The following SCN3A variants were observed in gnomAD, a reference collection of about 807,000 sequenced individuals.
SCN3A encodes the protein sodium channel protein type 3 subunit alpha.
A neutral mutation model predicts 187.6 loss-of-function variants in SCN3A; 60 were observed. That is an observed-to-expected ratio of 0.32 (90% CI 0.26 to 0.40). The LOEUF is 0.40. Ranked by LOEUF, SCN3A falls within the 10% of genes least tolerant of loss-of-function variation. The probability of loss-of-function intolerance (pLI) is 1.00; values close to 1 mark genes in which losing one functional copy is unlikely to be tolerated. For synonymous variants in SCN3A, 788 were observed against 829.2 expected, an observed-to-expected ratio of 0.95 and a Z score of 0.85; for missense variants, 1,601 against 2,428.2, an observed-to-expected ratio of 0.66 and a Z score of 7.16.
intron 15 of SCN3A, among the ~76,000 whole-genome samples, chr2:165,133,076 A>C: frequency 6.6e-6 from 1 of 152,198 alleles, no homozygotes; most frequent in Non-Finnish European, 1.5e-5. Context: ...TCAAAACCAC[A>C]ATGAGATACC....
chr2:165,200,370 GA>G (rs1574366618), intron 1 of SCN3A, among the ~76,000 whole-genome samples: 1 of 151,696 alleles, frequency 6.6e-6, no homozygotes, highest in South Asian at 2.1e-4. Flanking sequence ...ATGAAAATCA[GA>G]AAAAAGTAAT....
intron 1 of SCN3A, among the ~76,000 whole-genome samples, 186 bp downstream of exon 1, chr2:165,203,637 C>T (rs1457840657): frequency 6.6e-6 from 1 of 152,124 alleles, no homozygotes; most frequent in South Asian, 2.1e-4. Context: ...CAGACAGGCT[C>T]TATTTTCTTT....
intron 18 of SCN3A, among the ~76,000 whole-genome samples, chr2:165,122,239 C>CTTTTTTTTTTTTT (rs1286913407): frequency 7.8e-6 from 1 of 128,918 alleles, no homozygotes; most frequent in East Asian, 2.2e-4. Context: ...TCTTTTTTTT[C>CTTTTTTTTTTTTT]TTTTTTTTTT....
intron 18 of SCN3A, among the ~76,000 whole-genome samples, chr2:165,117,848 A>C (rs1467016500): frequency 2.0e-5 from 3 of 152,132 alleles, no homozygotes. Flanking sequence ...CCATTTGAAA[A>C]CTTTAGAAAA....
At chr2:165,142,151 G>C (rs1332063273) in intron 12 of SCN3A, among the ~76,000 whole-genome samples, 1 of 152,088 alleles carries the variant, frequency 6.6e-6, no homozygotes, top group East Asian at 1.9e-4. Flanking sequence ...TTCACACCCA[G>C]GGTAATATAC....
At chr2:165,122,307 G>T (rs1472994820) in intron 18 of SCN3A, among the ~76,000 whole-genome samples, 2 of 135,862 alleles carry the variant, frequency 1.5e-5, no homozygotes, top group Admixed American at 8.3e-5. Flanking sequence ...TGGAGCACAT[G>T]AATTGGATAG....
intron 21 of SCN3A, among the ~76,000 whole-genome samples, chr2:165,105,507 A>C (rs1320998944): frequency 6.6e-6 from 1 of 152,168 alleles, no homozygotes; most frequent in Non-Finnish European, 1.5e-5. Context: ...GTTCCTAGAA[A>C]AGGGCTCAGG....
At chr2:165,103,422 G>C (rs1037548122) in intron 21 of SCN3A, among the ~76,000 whole-genome samples, 1 of 152,114 alleles carries the variant, frequency 6.6e-6, no homozygotes, top group Non-Finnish European at 1.5e-5. Flanking sequence ...TCAATACATA[G>C]TGTTTTAATA....
intron 11 of SCN3A, among the ~76,000 whole-genome samples, chr2:165,149,801 T>C (rs559571717): frequency 6.6e-6 from 1 of 152,356 alleles, no homozygotes; most frequent in Non-Finnish European, 1.5e-5. Context: ...GAAATTTCAC[T>C]TAATATTTAC....
chr2:165,094,062 G>GCC, intron 26 of SCN3A: 1 of 368,558 alleles, frequency 2.7e-6, no homozygotes, highest in South Asian at 3.1e-5. Context: ...GAGTGGGATG[G>GCC]GAAGGCTAGA....
intron 24 of SCN3A, 73 bp from the exon 25 acceptor site, chr2:165,095,721 A>C (rs1286133664): frequency 1.1e-6 from 1 of 908,270 alleles, no homozygotes; most frequent in Non-Finnish European, 1.7e-6. Flanking sequence ...TAATTTATTG[A>C]GTGCTGTTAC....
intron 15 of SCN3A, among the ~76,000 whole-genome samples, chr2:165,136,294 C>T (rs1412462324): frequency 6.6e-6 from 1 of 152,154 alleles, no homozygotes; most frequent in Non-Finnish European, 1.5e-5. Context: ...TGTTCAACTT[C>T]CCTAACTGTC....
chr2:165,159,361 T>C lies in SCN3A; in HGVS notation c.1031+2947A>G, dbSNP rs913357500. Among the ~76,000 whole-genome samples, 5 of 136,970 alleles carry C rather than the reference T, an allele frequency of 3.7e-5. 1 individual carries two copies. Among genetic ancestry groups the C allele is most frequent in the African/African-American group, 1.5e-4 (5 of 33,544 alleles). The allele number at this position is 136,970 out of a possible 152,430, so 89.9% of individuals were successfully genotyped here. ...GACACTGGTTTGTTGTTTTGTTTTG[T>C]TTTGTTTTCTTTTGAGACAGGGTAT... is the stretch of plus-strand genomic sequence containing the variant. On this transcript the variant is annotated intron_variant, in intron 9 of 27. Coordinates refer to ENST00000283254, the MANE Select transcript of SCN3A (RefSeq NM_006922.4).
rs1685183065 is a variant in SCN3A at position 165,092,921 on chromosome 2, C to CA, written c.4537-398dup. 1.6e-5 allele frequency: 3 copies of CA among 193,060 alleles called. No homozygotes were observed. The South Asian group carries it at 2.8e-4, about 18-fold the overall frequency. The allele number at this position is 193,060 out of a possible 1,614,324, so 12.0% of individuals were successfully genotyped here. On this transcript the variant is annotated intron_variant, in intron 26 of 27. Coordinates refer to ENST00000283254, the MANE Select transcript of SCN3A (RefSeq NM_006922.4). The surrounding 1 kb of genome is among the most constrained non-coding windows in gnomAD (Gnocchi z 4.2). Reference sequence around the variant, plus strand: ...AAAAAAAATTAGCCTGGTATGGTGGCACAGGCTTGCAGTCCCAGCTACGAG... The same window carrying CA: ...AAAAAAAATTAGCCTGGTATGGTGGCAACAGGCTTGCAGTCCCAGCTACGAG...
chr2:165,133,922 C>T (rs1687507905), intron 15 of SCN3A, among the ~76,000 whole-genome samples: 1 of 152,006 alleles, frequency 6.6e-6, no homozygotes, highest in Admixed American at 6.6e-5. Flanking sequence ...TTCGTAAAAA[C>T]CATATTTTGT....
intron 12 of SCN3A, among the ~76,000 whole-genome samples, chr2:165,143,539 A>G (rs1688142902): frequency 6.6e-6 from 1 of 152,224 alleles, no homozygotes; most frequent in Non-Finnish European, 1.5e-5. Context: ...CGGAAAAAGA[A>G]GATAACAGAA....
chr2:165,143,715 C>G (rs1387003792), intron 12 of SCN3A, among the ~76,000 whole-genome samples: 2 of 152,116 alleles, frequency 1.3e-5, no homozygotes, highest in Non-Finnish European at 2.9e-5. Context: ...AACATATTTC[C>G]CAGGTATCTT....
At chr2:165,183,867 AG>A (rs1174083581) in intron 2 of SCN3A, among the ~76,000 whole-genome samples, 1 of 152,172 alleles carries the variant, frequency 6.6e-6, no homozygotes, top group Non-Finnish European at 1.5e-5. Flanking sequence ...AACTTGAGAT[AG>A]CATTAAAAAA....
At chr2:165,105,592 A>G (rs1685811380) in intron 21 of SCN3A, among the ~76,000 whole-genome samples, 1 of 152,078 alleles carries the variant, frequency 6.6e-6, no homozygotes, top group South Asian at 2.1e-4. Flanking sequence ...GAGGTTGGGG[A>G]TATTTGTGAC....
Sources: gnomAD v4.1 joint callset for allele counts (sites outside exome capture counted in the v4.1 genomes callset) on GRCh38, gnomAD v4.1.1 for gene constraint, Gnocchi (gnomAD v3.1) non-coding constraint, MANE v1.5 for transcripts, NCBI Gene and HGNC (gene_info 2026-07-23, HGNC 2026-07-21) for gene names.